Variants in ABCB10 observed in about 807,000 individuals in gnomAD.
ABCB10 encodes ATP-binding cassette sub-family B member 10, mitochondrial.
A neutral mutation model predicts 65.4 loss-of-function variants in ABCB10; 54 were observed. That is an observed-to-expected ratio of 0.83 (90% CI 0.66 to 1.04). ABCB10 has a LOEUF of 1.04. Ranked by LOEUF, ABCB10 falls within the 50% of genes least tolerant of loss-of-function variation. The probability of loss-of-function intolerance (pLI) is 0.00; values close to 1 mark genes in which losing one functional copy is unlikely to be tolerated. For missense variants in ABCB10, 846 were observed against 976.6 expected, an observed-to-expected ratio of 0.87 and a Z score of 1.78; for synonymous variants, 418 against 406.5, an observed-to-expected ratio of 1.03 and a Z score of -0.34.
In ABCB10 at chr1:229,542,329, C is replaced by CACGCTCAATTTGA; in HGVS notation, c.963_964insTCAAATTGAGCGT (p.Val322SerfsTer3). On this transcript the variant is annotated stop_gained and frameshift_variant, in exon 4 of 13. Coordinates refer to ENST00000344517, the MANE Select transcript of ABCB10 (RefSeq NM_012089.3). LOFTEE classifies it high-confidence loss of function. ...ACAGCAATGATTGACACTGGAGGCA[C>CACGCTCAATTTGA]CACGCTCAAAACAAAGGTGGCCAGA... 6.2e-7 allele frequency: 1 copy of CACGCTCAATTTGA among 1,613,930 alleles called. No homozygotes were observed. The highest frequency in any genetic ancestry group is 8.5e-7 in the Non-Finnish European group (1 of 1,179,984).
intron 1 of ABCB10, 76 bp from the exon 2 acceptor site, chr1:229,549,510 T>A (rs1436145193): frequency 3.6e-6 from 5 of 1,387,556 alleles, no homozygotes; most frequent in Non-Finnish European, 5.0e-6. Context: ...GGAGGCTTCC[T>A]TGCCAAATAA....
At chr1:229,523,024 T>C (rs1310917817) in intron 10 of ABCB10, among the ~76,000 whole-genome samples, 1 of 152,134 alleles carries the variant, frequency 6.6e-6, no homozygotes, top group Non-Finnish European at 1.5e-5. Context: ...AACATAGCAC[T>C]TATTCTTTAT....
chr1:229,547,623 G>C lies in ABCB10; in HGVS notation c.797C>G (p.Thr266Ser), dbSNP rs754423489. Reference protein sequence around the residue: ...LRQEVAFFDKTRTGELINRLS... With the variant: ...LRQEVAFFDKSRTGELINRLS... ...GCGGTTAATCAATTCTCCTGTGCGAGTCTTGTCAAAGAAAGCAACCTCCTG... is the reference window on the plus strand; with the variant it reads ...GCGGTTAATCAATTCTCCTGTGCGACTCTTGTCAAAGAAAGCAACCTCCTG... Residue 266 changes from threonine (T) to serine (S), a missense_variant, in exon 3 of 13, where the codon ACT becomes AGT. Coordinates refer to ENST00000344517, the MANE Select transcript of ABCB10 (RefSeq NM_012089.3). 12 of 1,614,218 alleles carry C rather than the reference G, an allele frequency of 7.4e-6. No homozygotes were observed. The highest frequency in any genetic ancestry group is 1.0e-5 in the Non-Finnish European group (12 of 1,180,036).
At chr1:229,533,737 AAAG>A (rs1219844141) in intron 6 of ABCB10, among the ~76,000 whole-genome samples, 10 of 152,228 alleles carry the variant, frequency 6.6e-5, no homozygotes, top group African/African-American at 2.2e-4. Flanking sequence ...ATCCACATGC[AAAG>A]AAGGAATCTA....
At chr1:229,536,480 C>T (rs1405350096) in intron 6 of ABCB10, among the ~76,000 whole-genome samples, 1 of 151,330 alleles carries the variant, frequency 6.6e-6, no homozygotes, top group Non-Finnish European at 1.5e-5. Flanking sequence ...GCACTCCTGC[C>T]TGGAGACAGA....
intron 10 of ABCB10, among the ~76,000 whole-genome samples, chr1:229,524,555 C>T (rs552610605): frequency 4.9e-4 from 74 of 152,230 alleles, no homozygotes; most frequent in African/African-American, 1.7e-3. Context: ...AAGTTCTACT[C>T]ATTGGTTCAT....
chr1:229,532,237 C>T (rs529936327), intron 6 of ABCB10, among the ~76,000 whole-genome samples: 2 of 152,236 alleles, frequency 1.3e-5, no homozygotes, highest in East Asian at 1.9e-4. Flanking sequence ...AGGCATGGGC[C>T]ACTGCACCTG....
At chr1:229,540,869 ATAGTGAT>A in intron 4 of ABCB10, 117 bp from the exon 5 acceptor site, 1 of 1,226,168 alleles carries the variant, frequency 8.2e-7, no homozygotes, top group Non-Finnish European at 1.1e-6. Context: ...AAGAAAAGAA[ATAGTGAT>A]AGTAAGAAGT....
At chr1:229,525,010 C>G (rs1293414854) in intron 10 of ABCB10, among the ~76,000 whole-genome samples, 1 of 152,064 alleles carries the variant, frequency 6.6e-6, no homozygotes, top group African/African-American at 2.4e-5. Context: ...CCCACCACCA[C>G]GCCCAGCTAA....
In ABCB10 at chr1:229,518,279, T is replaced by C. The variant is rs758351353; in HGVS notation, c.2117A>G (p.Gln706Arg). 2 of 1,614,084 alleles carry C rather than the reference T, an allele frequency of 1.2e-6. No homozygotes were observed. Among genetic ancestry groups the C allele is most frequent in the African/African-American group, 1.3e-5 (1 of 74,938 alleles). Residue 706 changes from glutamine (Q) to arginine (R), a missense_variant, in exon 13 of 13, where the codon CAA becomes CGA. Transcript: ENST00000344517. The part of the protein sequence containing the change: ...KNANMVAVLD[Q>R]GKITEYGKHE... ...TTTTCCATATTCAGTAATTTTTCCTTGGTCAAGAACAGCAACCATATTAGC... is the reference window on the plus strand; with the variant it reads ...TTTTCCATATTCAGTAATTTTTCCTCGGTCAAGAACAGCAACCATATTAGC...
chr1:229,547,600 G>C lies in ABCB10; in HGVS notation c.820C>G (p.Arg274Gly). 5 of 1,614,166 alleles carry C rather than the reference G, an allele frequency of 3.1e-6. No individual in the cohort carries two copies. Among genetic ancestry groups the C allele is most frequent in the Non-Finnish European group, 4.2e-6 (5 of 1,180,022 alleles). ...AGGAGTGCAGTGTCTGATGAGAGGC[G>C]GTTAATCAATTCTCCTGTGCGAGTC... ...DKTRTGELIN[R>G]LSSDTALLGR... The change falls in exon 3 of 13, where the codon CGC (arginine) becomes GGC (glycine). Residue 274 changes from arginine to glycine, a missense_variant. By Grantham distance (125) the Arg-to-Gly change is moderately radical. This residue lies in a region of ABCB10 where 632 missense variants were observed against 803.2 expected (regional missense o/e 0.79). Coordinates refer to ENST00000344517, the MANE Select transcript of ABCB10 (RefSeq NM_012089.3).
chr1:229,558,589 G>T lies in ABCB10; in HGVS notation c.64C>A (p.Arg22=). 2.1e-6 allele frequency: 3 copies of T among 1,442,380 alleles called. No homozygotes were observed. The highest frequency in any genetic ancestry group is 9.1e-7 in the Non-Finnish European group (1 of 1,099,848). The allele number at this position is 1,442,380 out of a possible 1,614,324, so 89.3% of individuals were successfully genotyped here. ...CACACGCAGGCTACCGGCAGGAGCCGACCTGGCTCGGCAGGGCTCGGTGGC... is the reference window on the plus strand; with the variant it reads ...CACACGCAGGCTACCGGCAGGAGCCTACCTGGCTCGGCAGGGCTCGGTGGC... ...LEPPSPAEPG[R]LLPVACVWAA... Residue 22 remains arginine, a synonymous_variant, in exon 1 of 13, where the codon CGG becomes AGG. Coordinates refer to ENST00000344517, the MANE Select transcript of ABCB10 (RefSeq NM_012089.3).
intron 6 of ABCB10, among the ~76,000 whole-genome samples, chr1:229,538,726 AC>A (rs1231344343): frequency 1.3e-5 from 2 of 152,246 alleles, no homozygotes; most frequent in African/African-American, 4.8e-5. Flanking sequence ...TTAGACAGAT[AC>A]AAAACCCTGA....
intron 3 of ABCB10, among the ~76,000 whole-genome samples, chr1:229,545,970 G>C (rs1175168883): frequency 6.6e-6 from 1 of 152,146 alleles, no homozygotes; most frequent in Non-Finnish European, 1.5e-5. Flanking sequence ...AGGAGTTCAA[G>C]ACCAGCCTGG....
In ABCB10 at chr1:229,558,378, A is replaced by T; in HGVS notation, c.275T>A (p.Leu92Gln). 8.1e-7 allele frequency: 1 copy of T among 1,235,802 alleles called. No homozygotes were observed. Among genetic ancestry groups the T allele is most frequent in the South Asian group, 2.2e-5 (1 of 45,746 alleles). 76.6% of individuals were successfully genotyped at this position (1,235,802 alleles called of 1,614,324 possible). ...GVLGLARLLGLWARGPGSCRC... is the reference protein window; with the variant it reads ...GVLGLARLLGQWARGPGSCRC... ...GCAGCTGCCGGGGCCGCGAGCCCAC[A>T]GCCCCAGGAGCCGCGCGAGGCCCAG... is the stretch of plus-strand genomic sequence containing the variant. Residue 92 changes from leucine (L) to glutamine (Q), a missense_variant, in exon 1 of 13, where the codon CTG (leucine) becomes CAG (glutamine). Coordinates refer to ENST00000344517, the MANE Select transcript of ABCB10 (RefSeq NM_012089.3).
In ABCB10 at chr1:229,526,016, A is replaced by G. The variant is rs763301962; in HGVS notation, c.1826T>C (p.Val609Ala). Reference sequence around the variant, plus strand: ...CCGGATGAAGGCCACTGCATTGGCCACTTCAGCCACTCTCTGGATTTCCTC... The same window carrying G: ...CCGGATGAAGGCCACTGCATTGGCCGCTTCAGCCACTCTCTGGATTTCCTC... ...TAEEIQRVAE[V>A]ANAVAFIRNF... The change falls in exon 10 of 13, where the codon GTG becomes GCG. Residue 609 changes from valine (V) to alanine (A), a missense_variant. Coordinates refer to ENST00000344517, the MANE Select transcript of ABCB10 (RefSeq NM_012089.3). 7 of 1,614,232 alleles carry G rather than the reference A, an allele frequency of 4.3e-6. No individual in the cohort carries two copies. The Admixed American group carries it at 1.2e-4, about 27-fold the overall frequency.
Position 229,534,440 on chromosome 1 carries a change from T to C in ABCB10, c.1340-2709A>G, listed in dbSNP as rs547132040. Among the ~76,000 whole-genome samples the C allele has an allele frequency of 3.3e-5, 5 of 152,178 alleles. No homozygotes were observed. The South Asian group carries it at 6.2e-4, about 19-fold the overall frequency. ...CCATAGAGATGTCAAAAATTGCCAA[T>C]GCTGGCCGGGTGCGGTGGCTCACAC... On this transcript the variant is annotated intron_variant, in intron 6 of 12. Transcript: ENST00000344517.
Position 229,558,391 on chromosome 1 carries a change from G to GCGCGAGGCCCAGGACGCCC in ABCB10, c.243_261dup (p.Arg88GlyfsTer86). ...CCGCGAGCCCACAGCCCCAGGAGCC[G>GCGCGAGGCCCAGGACGCCC]CGCGAGGCCCAGGACGCCCCGCGAG... On this transcript the variant is annotated frameshift_variant, in exon 1 of 13. Coordinates refer to ENST00000344517, the MANE Select transcript of ABCB10 (RefSeq NM_012089.3). LOFTEE classifies it high-confidence loss of function. 1 of 1,237,502 alleles carries GCGCGAGGCCCAGGACGCCC rather than the reference G, an allele frequency of 8.1e-7. No homozygotes were observed. Among genetic ancestry groups the GCGCGAGGCCCAGGACGCCC allele is most frequent in the Non-Finnish European group, 1.0e-6 (1 of 983,694 alleles). 76.7% of individuals were successfully genotyped at this position (1,237,502 alleles called of 1,614,324 possible).
intron 8 of ABCB10, among the ~76,000 whole-genome samples, chr1:229,529,322 A>G (rs1662521866): frequency 7.0e-6 from 1 of 142,836 alleles, no homozygotes. Flanking sequence ...AAAAAAAAAA[A>G]AAAAAAAGAA....
Sources: allele counts gnomAD v4.1 joint callset (sites outside exome capture counted in the v4.1 genomes callset), GRCh38; gene constraint gnomAD v4.1.1; regional missense constraint gnomAD v4.1.1; transcripts MANE v1.5; gene names NCBI Gene and HGNC (gene_info 2026-07-23, HGNC 2026-07-21).